The following LONRF3 variants were observed in gnomAD, a reference collection of about 807,000 sequenced individuals.
LONRF3 encodes LON peptidase N-terminal domain and ring finger 3, also known as LON peptidase N-terminal domain and RING finger protein 3.
LONRF3 carries 19 observed loss-of-function variants against 51.7 expected under a neutral mutation model. The observed-to-expected ratio is 0.37, with a 90% CI of 0.26 to 0.54. The LOEUF (loss-of-function observed/expected upper bound fraction) is 0.54. LONRF3 is among the 20% of genes least tolerant of loss of function. The pLI is 0.86. For synonymous variants in LONRF3, 265 were observed against 257.8 expected (o/e 1.03, Z -0.27); for missense variants, 521 against 623.9 (o/e 0.84, Z 1.76).
intron 4 of LONRF3, 74 bp downstream of exon 4, chrX:118,989,746 C>G (rs1923287947): frequency 9.3e-7 from 1 of 1,076,796 alleles, no homozygotes; most frequent in South Asian, 2.3e-5. Flanking sequence ...AGTTACTTAC[C>G]TCTGTCTGGG....
At chrX:119,015,656 A>T (rs1358951574) in intron 10 of LONRF3, among the ~76,000 whole-genome samples, 1 of 112,387 alleles carries the variant, frequency 8.9e-6, no homozygotes, top group African/African-American at 3.2e-5. Flanking sequence ...TAGGCAAAAG[A>T]TACAGATCAG....
chrX:118,989,293 G>T (rs1923235370), intron 3 of LONRF3, 115 bp from the exon 4 acceptor site: 2 of 850,809 alleles, frequency 2.4e-6, no homozygotes, highest in Admixed American at 6.0e-5. Flanking sequence ...TGTCCACTAT[G>T]AGTTCGGGGT....
intron 5 of LONRF3, among the ~76,000 whole-genome samples, chrX:118,997,523 T>A (rs1402777316): frequency 1.8e-5 from 2 of 112,374 alleles, no homozygotes; most frequent in Non-Finnish European, 3.8e-5. Flanking sequence ...CTCTAGAAGA[T>A]AACATTGGAA....
chrX:118,976,134 C>T (rs1234908843), intron 1 of LONRF3, among the ~76,000 whole-genome samples: 1 of 112,999 alleles, frequency 8.8e-6, no homozygotes, highest in Admixed American at 9.2e-5. Context: ...GCGTCCGCCG[C>T]TCGCGCCGCC....
At chrX:118,977,739 C>T (rs774011222) in intron 1 of LONRF3, among the ~76,000 whole-genome samples, 25 of 112,116 alleles carry the variant, frequency 2.2e-4, no homozygotes, top group African/African-American at 7.5e-4. Context: ...TGGTGAGAGC[C>T]GGCCTCACCT....
At chrX:119,005,243 T>C (rs1028185505) in intron 5 of LONRF3, among the ~76,000 whole-genome samples, 2 of 111,292 alleles carry the variant, frequency 1.8e-5, no homozygotes, top group African/African-American at 6.5e-5. Context: ...CAAGCCCCAC[T>C]CCTCAACGGT....
At chrX:119,016,347 TTTC>T (rs1397677025) in intron 10 of LONRF3, among the ~76,000 whole-genome samples, 12 of 76,329 alleles carry the variant, frequency 1.6e-4, no homozygotes, top group South Asian at 6.5e-4. Flanking sequence ...TCTTTCTTTC[TTTC>T]TTTTTTTTTT....
intron 1 of LONRF3, 115 bp downstream of exon 1, chrX:118,975,712 GACCCAT>G: frequency 5.6e-5 from 13 of 232,975 alleles, no homozygotes; most frequent in East Asian, 3.6e-4. Context: ...GGGGGCGGGG[GACCCAT>G]GGACTGTGGC....
chrX:118,989,744 AC>A, intron 4 of LONRF3, 72 bp downstream of exon 4: 1 of 1,081,826 alleles, frequency 9.2e-7, no homozygotes. Flanking sequence ...CAAGTTACTT[AC>A]CTCTGTCTGG....
intron 2 of LONRF3, among the ~76,000 whole-genome samples, chrX:118,982,178 G>A (rs1316762892): frequency 8.9e-6 from 1 of 111,909 alleles, no homozygotes; most frequent in Non-Finnish European, 1.9e-5. Flanking sequence ...AAGTGATCCA[G>A]GCCCCTAGGA....
chrX:118,976,257 T>A (rs1482571542), intron 1 of LONRF3: 1 of 113,156 alleles, frequency 8.8e-6, no homozygotes. Context: ...CGGGCGCCCC[T>A]CCCCCGCGCG....
intron 5 of LONRF3, among the ~76,000 whole-genome samples, chrX:119,003,052 G>A: frequency 9.0e-6 from 1 of 110,921 alleles, no homozygotes; most frequent in East Asian, 2.8e-4. Flanking sequence ...AGAGTGCTGG[G>A]GTTACAGGTG....
In LONRF3 at chrX:118,975,208, CCGCCGCGGCT is replaced by C. The variant is rs762815896; in HGVS notation, c.429_438del (p.Ala144ArgfsTer56). ...ACCGTGGCGGCGGAAGAGACGGGGG[CCGCCGCGGCT>C]GCGGCGGCCACCGAGGTGTGGGACG... is the stretch of plus-strand genomic sequence containing the variant. On this transcript the variant is annotated frameshift_variant, in exon 1 of 11. Transcript: ENST00000371628. LOFTEE classifies it high-confidence loss of function. 4.9e-4 allele frequency: 574 copies of C among 1,167,351 alleles called. No homozygotes were observed. The highest frequency in any genetic ancestry group is 5.8e-4 in the Non-Finnish European group (507 of 876,846).
At position 119,015,472 on chromosome X, in the gene LONRF3, TC is replaced by T. The variant is rs921410199; in HGVS notation, c.2124+1124del. ...CCTCAGACCACAAAGGTGGCTTCTT[TC>T]CCCCCCCATGCAAAGGCATCATGAG... On this transcript the variant is annotated intron_variant, in intron 10 of 10. Coordinates refer to ENST00000371628, the MANE Select transcript of LONRF3 (RefSeq NM_001031855.3). 6.3e-5 allele frequency among the ~76,000 whole-genome samples: 7 copies of T among 110,240 alleles called. No homozygotes were observed. The East Asian group carries it at 1.1e-3, about 18-fold the overall frequency.
chrX:119,017,759 A>G lies in LONRF3; in HGVS notation c.*69A>G. On this transcript the variant is annotated 3_prime_UTR_variant, in exon 11 of 11. Transcript: ENST00000371628. Reference sequence around the variant, plus strand: ...TCGGGGGGAGTCTTCTTGTAAATATATCTAATTGCAATAATATCTTAACAG... The same window carrying G: ...TCGGGGGGAGTCTTCTTGTAAATATGTCTAATTGCAATAATATCTTAACAG... The G allele has an allele frequency of 1.0e-6, 1 of 977,451 alleles. No homozygotes were observed. The highest frequency in any genetic ancestry group is 1.4e-6 in the Non-Finnish European group (1 of 723,629). 80.6% of individuals were successfully genotyped at this position (977,451 alleles called of 1,213,427 possible).
At chrX:119,014,473 G>T in intron 10 of LONRF3, 117 bp downstream of exon 10, 4 of 705,210 alleles carry the variant, frequency 5.7e-6, no homozygotes, top group African/African-American at 2.2e-5. Context: ...GAGGAAGATG[G>T]ATTTAATTTG....
At chrX:119,004,098 T>C (rs1216573973) in intron 5 of LONRF3, among the ~76,000 whole-genome samples, 1 of 110,083 alleles carries the variant, frequency 9.1e-6, no homozygotes, top group African/African-American at 3.4e-5. Context: ...AATGACAGAT[T>C]TGTTTTTTTC....
intron 10 of LONRF3, among the ~76,000 whole-genome samples, chrX:119,016,595 C>A (rs575685646): frequency 2.7e-5 from 3 of 111,734 alleles, no homozygotes; most frequent in Admixed American, 9.5e-5. Context: ...GATCCACCCG[C>A]TGGCCTCCCA....
In LONRF3 at chrX:118,989,716, C is replaced by T. The variant is rs376495628; in HGVS notation, c.1324+44C>T. 1.0e-5 allele frequency: 12 copies of T among 1,164,319 alleles called. No homozygotes were observed. In the African/African-American group the frequency reaches 1.1e-4, roughly 10 times the overall value. On this transcript the variant is annotated intron_variant, in intron 4 of 10. Transcript: ENST00000371628. Reference sequence around the variant, plus strand: ...GAGAAGGTAGCTTGGAGGAGATCCCCGGGCTCACCAATATATACAAGTTAC... The same window carrying T: ...GAGAAGGTAGCTTGGAGGAGATCCCTGGGCTCACCAATATATACAAGTTAC...
Sources: gnomAD v4.1 joint callset for allele counts (sites outside exome capture counted in the v4.1 genomes callset) on GRCh38, gnomAD v4.1.1 for gene constraint, MANE v1.5 for transcripts, NCBI Gene and HGNC (gene_info 2026-07-23, HGNC 2026-07-21) for gene names.